Variants in PPP2R5C observed in about 807,000 individuals in gnomAD.
PPP2R5C encodes the protein protein phosphatase 2 regulatory subunit B'gamma, also known as serine/threonine-protein phosphatase 2A 56 kDa regulatory subunit gamma isoform.
Under a neutral mutation model 68.9 loss-of-function variants are expected in PPP2R5C, and 7 were observed. The observed-to-expected ratio is 0.10, with a 90% CI of 0.06 to 0.19. The LOEUF is 0.19. Ranked by LOEUF, PPP2R5C falls within the 10% of genes least tolerant of loss-of-function variation. PPP2R5C has a pLI of 1.00. For synonymous variants in PPP2R5C, 210 were observed against 222.2 expected (o/e 0.95, Z 0.49); for missense variants, 348 against 641.3 (o/e 0.54, Z 4.94).
intron 2 of PPP2R5C, among the ~76,000 whole-genome samples, chr14:101,867,749 G>A (rs1327596770): frequency 6.6e-6 from 1 of 152,242 alleles, no homozygotes; most frequent in Admixed American, 6.5e-5. Context: ...CTGCACTCCA[G>A]CCTGAGCGAC....
chr14:101,870,155 G>A (rs1451731705), intron 2 of PPP2R5C, among the ~76,000 whole-genome samples: 1 of 147,012 alleles, frequency 6.8e-6, no homozygotes, highest in Non-Finnish European at 1.5e-5. Context: ...TCAGTCTGTA[G>A]CTTGTCTTTT....
At chr14:101,892,395 G>C (rs2474671) in intron 6 of PPP2R5C, among the ~76,000 whole-genome samples, 34,892 of 136,788 alleles carry the variant, frequency 0.26, 5,887 homozygotes, top group African/African-American at 0.49. Flanking sequence ...GGTGGGGGGT[G>C]GGGGGGGTCC....
In PPP2R5C at chr14:101,894,818, G is replaced by A. The variant is rs145876668; in HGVS notation, c.852+258G>A. Among the ~76,000 whole-genome samples the A allele has an allele frequency of 1.4e-4, 21 of 152,242 alleles. No homozygotes were observed. The East Asian group carries it at 2.9e-3, about 21-fold the overall frequency. On this transcript the variant is annotated intron_variant, in intron 8 of 13. Transcript: ENST00000334743. Reference sequence around the variant, plus strand: ...CCTCGTTGCACTTTACTGTTTGAACGTAAAGCACTTGAGCGGTTATTGTAG... The same window carrying A: ...CCTCGTTGCACTTTACTGTTTGAACATAAAGCACTTGAGCGGTTATTGTAG...
intron 3 of PPP2R5C, among the ~76,000 whole-genome samples, chr14:101,798,168 G>C (rs75456747): frequency 1.3e-5 from 2 of 149,064 alleles, no homozygotes; most frequent in Non-Finnish European, 3.0e-5. Flanking sequence ...AAAAAAAAAA[G>C]TGCTGGCCAG....
chr14:101,885,432 G>A (rs1678026), intron 5 of PPP2R5C, among the ~76,000 whole-genome samples: 12,572 of 146,220 alleles, frequency 0.086, 785 homozygotes, highest in South Asian at 0.12. Flanking sequence ...CACAGCCTGC[G>A]TCGGGAGCAC....
At chr14:101,927,148 A>G (rs541708124) in exon 14 of PPP2R5C, 1 of 152,060 alleles carries the variant, frequency 6.6e-6, no homozygotes, top group African/African-American at 2.4e-5. Flanking sequence ...TTGATTTTGG[A>G]TGTTCAGTAT....
chr14:101,810,213 T>C, intron 1 of PPP2R5C: 1 of 617,358 alleles, frequency 1.6e-6, no homozygotes, highest in Non-Finnish European at 2.8e-6. Flanking sequence ...TACGAACTAC[T>C]TACAGAATTT....
chr14:101,806,645 T>C (rs2140165301), upstream of PPP2R5C, among the ~76,000 whole-genome samples: 1 of 152,284 alleles, frequency 6.6e-6, no homozygotes, highest in East Asian at 1.9e-4. Context: ...TTGCTTGCTT[T>C]TGGAGAGAAC....
At chr14:101,819,344 C>T in intron 1 of PPP2R5C, 1 of 398,446 alleles carries the variant, frequency 2.5e-6, no homozygotes, top group Non-Finnish European at 4.6e-6. Flanking sequence ...GCCGTCACTG[C>T]CTCATAAGAT....
In PPP2R5C at chr14:101,917,649, T is replaced by C. The variant is rs2046755859; in HGVS notation, c.1327-182T>C. The stretch of plus-strand genomic sequence containing the variant: ...GCTTTACTGTCTCCACTGAGTGCTT[T>C]CTGGTTTCAGAAGTCAGCAGCCGCA... On this transcript the variant is annotated intron_variant, in intron 12 of 13. Coordinates refer to ENST00000334743, the Ensembl canonical transcript of PPP2R5C. This position sits in a 1 kb window ranked among gnomAD's most constrained non-coding sequence, Gnocchi z 4.4. The C allele has an allele frequency of 1.4e-6, 1 of 694,540 alleles. No homozygotes were observed. The highest frequency in any genetic ancestry group is 2.3e-6 in the Non-Finnish European group (1 of 428,108). 43.0% of individuals were successfully genotyped at this position (694,540 alleles called of 1,614,324 possible).
intron 2 of PPP2R5C, among the ~76,000 whole-genome samples, chr14:101,881,037 A>G (rs904051717): frequency 1.3e-5 from 2 of 152,136 alleles, no homozygotes; most frequent in African/African-American, 2.4e-5. Flanking sequence ...ACCCAGTTAT[A>G]TAACTGGCAT....
At chr14:101,839,969 A>T (rs900476284) in intron 1 of PPP2R5C, among the ~76,000 whole-genome samples, 2 of 151,822 alleles carry the variant, frequency 1.3e-5, no homozygotes, top group Non-Finnish European at 1.5e-5. Flanking sequence ...TCTATTTTAC[A>T]GTGAGCATGT....
intron 8 of PPP2R5C, among the ~76,000 whole-genome samples, chr14:101,900,018 C>T (rs2045586801): frequency 6.6e-6 from 1 of 152,120 alleles, no homozygotes; most frequent in South Asian, 2.1e-4. Context: ...TCTCGAGTAG[C>T]TAGGACCACA....
At chr14:101,841,059 C>G (rs188172892) in intron 1 of PPP2R5C, among the ~76,000 whole-genome samples, 5 of 152,294 alleles carry the variant, frequency 3.3e-5, no homozygotes, top group Admixed American at 3.3e-4. Context: ...AGGGATTTTT[C>G]TAAGCACTGT....
chr14:101,869,335 A>G (rs191742698), intron 2 of PPP2R5C, among the ~76,000 whole-genome samples: 3 of 152,248 alleles, frequency 2.0e-5, no homozygotes, highest in African/African-American at 7.2e-5. Context: ...TCCATTTCCT[A>G]TGGAGGGATA....
intron 2 of PPP2R5C, among the ~76,000 whole-genome samples, chr14:101,775,210 C>T (rs2037355883): frequency 6.6e-6 from 1 of 152,080 alleles, no homozygotes; most frequent in African/African-American, 2.4e-5. Context: ...TCGGCCCTGC[C>T]CAACTGAACA....
chr14:101,825,772 A>G lies in PPP2R5C; in HGVS notation c.94+15736A>G, dbSNP rs908434101. Reference sequence around the variant, plus strand: ...AGATCTGCTGAAAACCAAAATGTTCAGTGTCATCTTCAGCAGAGGGGATTA... The same window carrying G: ...AGATCTGCTGAAAACCAAAATGTTCGGTGTCATCTTCAGCAGAGGGGATTA... On this transcript the variant is annotated intron_variant, in intron 1 of 13. Coordinates refer to ENST00000334743, the Ensembl canonical transcript of PPP2R5C. This position sits in a 1 kb window ranked among gnomAD's most constrained non-coding sequence, Gnocchi z 4.0. Among the ~76,000 whole-genome samples the G allele has an allele frequency of 1.3e-5, 2 of 152,246 alleles. No homozygotes were observed. The highest frequency in any genetic ancestry group is 4.8e-5 in the African/African-American group (2 of 41,468).
intron 1 of PPP2R5C, among the ~76,000 whole-genome samples, chr14:101,829,278 G>T (rs1415612039): frequency 6.6e-6 from 1 of 152,176 alleles, no homozygotes; most frequent in Admixed American, 6.5e-5. Flanking sequence ...TGTATTATGT[G>T]TAAGTTTGTA....
chr14:101,836,186 G>A (rs1478270874), intron 1 of PPP2R5C: 1 of 702,382 alleles, frequency 1.4e-6, no homozygotes, highest in Admixed American at 2.0e-5. Context: ...TGTGAAGCTG[G>A]GCAGGGTTTC....
Sources: gnomAD v4.1 joint callset for allele counts (sites outside exome capture counted in the v4.1 genomes callset) on GRCh38, gnomAD v4.1.1 for gene constraint, Gnocchi (gnomAD v3.1) non-coding constraint, MANE v1.5 for transcripts, NCBI Gene and HGNC (gene_info 2026-07-23, HGNC 2026-07-21) for gene names.